Variants in TOM1L2 observed in about 807,000 individuals in gnomAD.
The protein encoded by TOM1L2 is TOM1-like protein 2.
Under a neutral mutation model 67.9 loss-of-function variants are expected in TOM1L2, and 31 were observed. The observed-to-expected ratio is 0.46, with a 90% CI of 0.34 to 0.62. The LOEUF (loss-of-function observed/expected upper bound fraction) is 0.62, where lower values mean the gene tolerates loss of function less well. Among genes scored for constraint, TOM1L2 ranks in the 20% least tolerant of loss-of-function variants. The pLI, the probability that TOM1L2 is intolerant of heterozygous loss-of-function variation, is 0.01. For synonymous variants in TOM1L2, 256 were observed against 254.0 expected (o/e 1.01, Z -0.07); for missense variants, 606 against 663.5 (o/e 0.91, Z 0.95).
At chr17:17,957,934 C>T (rs1381995100) in intron 1 of TOM1L2, among the ~76,000 whole-genome samples, 1 of 151,574 alleles carries the variant, frequency 6.6e-6, no homozygotes, top group Non-Finnish European at 1.5e-5. Flanking sequence ...ACTAAAAATA[C>T]AAAAAATTAG....
intron 12 of TOM1L2, among the ~76,000 whole-genome samples, chr17:17,855,960 AAG>A (rs1452498691): frequency 8.8e-6 from 1 of 113,226 alleles, no homozygotes; most frequent in Non-Finnish European, 2.4e-5. Flanking sequence ...ATTTGTTGTA[AAG>A]AAAAAAAAAA....
At chr17:17,935,544 C>G (rs1342014449) in intron 1 of TOM1L2, among the ~76,000 whole-genome samples, 1 of 152,174 alleles carries the variant, frequency 6.6e-6, no homozygotes, top group Non-Finnish European at 1.5e-5. Context: ...GTAACTGTGC[C>G]TGCTCTAGGA....
intron 10 of TOM1L2, among the ~76,000 whole-genome samples, 178 bp from the exon 11 acceptor site, chr17:17,863,026 A>G (rs912123673): frequency 6.6e-6 from 1 of 152,180 alleles, no homozygotes; most frequent in African/African-American, 2.4e-5. Flanking sequence ...GGCGGGCCAG[A>G]TGGGGGACAG....
chr17:17,853,181 G>A (rs1450386400), intron 12 of TOM1L2, among the ~76,000 whole-genome samples: 1 of 152,196 alleles, frequency 6.6e-6, no homozygotes, highest in Non-Finnish European at 1.5e-5. Context: ...CTGGGAGGAC[G>A]CATGCCATGC....
intron 1 of TOM1L2, among the ~76,000 whole-genome samples, chr17:17,968,644 G>C (rs1692282433): frequency 1.4e-5 from 2 of 145,318 alleles, no homozygotes; most frequent in South Asian, 4.5e-4. Context: ...CAGCCTGGGT[G>C]ATGAAGTGAG....
rs578191280 is a variant in TOM1L2 at position 17,869,419 on chromosome 17, G to C, written c.832C>G (p.Arg278Gly). Reference sequence around the variant, plus strand: ...TCGGTGACCTCCTCATTGGACACGCGGGAGATGAGCTCCACGATGCGCTGC... The same window carrying C: ...TCGGTGACCTCCTCATTGGACACGCCGGAGATGAGCTCCACGATGCGCTGC... ...MQQRIVELISRVSNEEVTEEL... is the reference protein window; with the variant it reads ...MQQRIVELISGVSNEEVTEEL... Residue 278 changes from arginine (R) to glycine (G), a missense_variant, in exon 8 of 15, where the codon CGC (arginine) becomes GGC (glycine). By Grantham distance (125) the Arg-to-Gly change is moderately radical. Coordinates refer to ENST00000379504, the MANE Select transcript of TOM1L2 (RefSeq NM_001082968.2). 16 of 1,613,568 alleles carry C rather than the reference G, an allele frequency of 9.9e-6. No homozygotes were observed. The highest frequency in any genetic ancestry group is 1.3e-5 in the Non-Finnish European group (15 of 1,179,984).
chr17:17,949,982 C>T (rs908097176), intron 1 of TOM1L2, among the ~76,000 whole-genome samples: 21 of 151,416 alleles, frequency 1.4e-4, no homozygotes, highest in Admixed American at 3.9e-4. Flanking sequence ...ACCATTCTCC[C>T]GCCTCAGCCT....
chr17:17,926,837 G>A (rs986174228), intron 1 of TOM1L2, among the ~76,000 whole-genome samples: 4 of 152,070 alleles, frequency 2.6e-5, no homozygotes, highest in Non-Finnish European at 5.9e-5. Context: ...CTGTCTGGGC[G>A]ACAGAGAGGG....
chr17:17,868,278 G>A (rs891756273), intron 8 of TOM1L2, among the ~76,000 whole-genome samples: 5 of 152,184 alleles, frequency 3.3e-5, no homozygotes, highest in African/African-American at 1.2e-4. Flanking sequence ...CTGTCAGGTG[G>A]GCACAGAGCC....
In TOM1L2 at chr17:17,972,350, T is replaced by TCTGC. The variant is rs1568426849; in HGVS notation, c.-41_-38dup. The TCTGC allele has an allele frequency of 6.5e-7, 1 of 1,548,704 alleles. No individual in the cohort carries two copies. The highest frequency in any genetic ancestry group is 2.4e-5 in the East Asian group (1 of 40,894). Reference sequence around the variant, plus strand: ...AACACGCAGCGGCCCGGGCCCCCTGTCTGCCACCTAGGCCTCCGCTGTAAC... The same window carrying TCTGC: ...AACACGCAGCGGCCCGGGCCCCCTGTCTGCCTGCCACCTAGGCCTCCGCTGTAAC... On this transcript the variant is annotated 5_prime_UTR_variant, in exon 1 of 15. Coordinates refer to ENST00000379504, the MANE Select transcript of TOM1L2 (RefSeq NM_001082968.2).
At chr17:17,922,235 G>A (rs1386482692) in intron 1 of TOM1L2, among the ~76,000 whole-genome samples, 1 of 152,162 alleles carries the variant, frequency 6.6e-6, no homozygotes, top group Admixed American at 6.5e-5. Flanking sequence ...CTGGTACAAG[G>A]AAAGAGCAGG....
At chr17:17,863,080 A>G (rs897861872) in intron 10 of TOM1L2, among the ~76,000 whole-genome samples, 11 of 152,228 alleles carry the variant, frequency 7.2e-5, no homozygotes, top group Non-Finnish European at 1.3e-4. Context: ...CGAAAGAGTC[A>G]TAACAAAAAA....
chr17:17,952,404 T>TTTTTTTTTC (rs2041248573), intron 1 of TOM1L2, among the ~76,000 whole-genome samples: 1 of 81,372 alleles, frequency 1.2e-5, no homozygotes, highest in Non-Finnish European at 2.2e-5. Flanking sequence ...TTTTTTTTTT[T>TTTTTTTTTC]TTTTTGAGAC....
rs2036682863 is a variant in TOM1L2 at position 17,863,605 on chromosome 17, CT to C, written c.1085-758del. 2.1e-5 allele frequency among the ~76,000 whole-genome samples: 3 copies of C among 144,692 alleles called. No individual in the cohort carries two copies. The South Asian group carries it at 6.5e-4, about 32-fold the overall frequency. 94.9% of individuals were successfully genotyped at this position (144,692 alleles called of 152,430 possible). A position where few individuals can be genotyped will look rare whatever the true frequency, so the allele number is the denominator to read the frequency against. On this transcript the variant is annotated intron_variant, in intron 10 of 14. Coordinates refer to ENST00000379504, the MANE Select transcript of TOM1L2 (RefSeq NM_001082968.2). ...TTTTAAAGAGACAGAGTCTTACTCT[CT>C]TGGCATGATCATGGCTCACTTTAGC...
intron 1 of TOM1L2, among the ~76,000 whole-genome samples, chr17:17,969,085 C>A (rs903144875): frequency 5.4e-5 from 8 of 147,400 alleles, no homozygotes; most frequent in African/African-American, 2.0e-4. Flanking sequence ...GAGACAGAGT[C>A]TCACTCTGTC....
chr17:17,861,239 A>AC (rs1188081939), intron 12 of TOM1L2, among the ~76,000 whole-genome samples: 1 of 151,954 alleles, frequency 6.6e-6, no homozygotes, highest in African/African-American at 2.4e-5. Context: ...CCTGCCTGGG[A>AC]CTGTTTTCTC....
chr17:17,958,089 CA>C (rs777316694), intron 1 of TOM1L2, among the ~76,000 whole-genome samples: 3,410 of 111,098 alleles, frequency 0.031, 43 homozygotes, highest in Non-Finnish European at 0.045. Flanking sequence ...GACTCTGTCT[CA>C]AAAAAAAAAA....
intron 7 of TOM1L2, among the ~76,000 whole-genome samples, chr17:17,879,146 G>A (rs2037581475): frequency 6.6e-6 from 1 of 152,180 alleles, no homozygotes; most frequent in South Asian, 2.1e-4. Context: ...TTGGGGGTGA[G>A]GTGCCACTAC....
chr17:17,857,909 T>C (rs2036334288), intron 12 of TOM1L2: 4 of 1,469,696 alleles, frequency 2.7e-6, no homozygotes, highest in Non-Finnish European at 2.8e-6. Context: ...ATAGCACATA[T>C]TGTGGAAACA....
Sources: allele counts gnomAD v4.1 joint callset (sites outside exome capture counted in the v4.1 genomes callset), GRCh38; gene constraint gnomAD v4.1.1; transcripts MANE v1.5; gene names NCBI Gene and HGNC (gene_info 2026-07-23, HGNC 2026-07-21).